RPP30: variants seen among roughly 807,000 people sequenced by gnomAD.
The protein encoded by RPP30 is ribonuclease P protein subunit p30.
RPP30 carries 36 observed loss-of-function variants against 38.6 expected under a neutral mutation model. The observed-to-expected ratio is 0.93, with a 90% confidence interval of 0.71 to 1.23. The LOEUF (loss-of-function observed/expected upper bound fraction) is 1.23. RPP30 is among the 50% of genes most tolerant of loss of function. The pLI, the probability that RPP30 is intolerant of heterozygous loss-of-function variation, is 0.00. For synonymous variants in RPP30, 126 were observed against 112.7 expected (o/e 1.12, Z -0.75); for missense variants, 321 against 321.7 (o/e 1.00, Z 0.02).
chr10:90,884,926 C>T (rs1846978977), intron 5 of RPP30, among the ~76,000 whole-genome samples: 1 of 152,136 alleles, frequency 6.6e-6, no homozygotes. Flanking sequence ...TAATGTAATA[C>T]ATAACAGCCA....
At chr10:90,889,099 G>A (rs1431074687) in intron 6 of RPP30, among the ~76,000 whole-genome samples, 1 of 152,150 alleles carries the variant, frequency 6.6e-6, no homozygotes, top group Non-Finnish European at 1.5e-5. Flanking sequence ...GTAAATAATA[G>A]TTGTGGCATA....
At chr10:90,895,794 A>G (rs1847132686) in intron 8 of RPP30, 86 bp from the exon 9 acceptor site, 1 of 925,802 alleles carries the variant, frequency 1.1e-6, no homozygotes, top group Non-Finnish European at 1.6e-6. Flanking sequence ...ATTTTTGGAT[A>G]CTTAAATTTT....
rs759472963 is a variant in RPP30 at position 90,874,929 on chromosome 10, A to G, written c.138+5A>G. 2.6e-6 allele frequency: 4 copies of G among 1,521,266 alleles called. No homozygotes were observed. In the South Asian group the frequency reaches 3.5e-5, roughly 13 times the overall value. 94.2% of individuals were successfully genotyped at this position (1,521,266 alleles called of 1,614,324 possible). A position where few individuals can be genotyped will look rare whatever the true frequency, so the allele number is the denominator to read the frequency against. Reference sequence around the variant, plus strand: ...GACTTTAAGGAAAAGAAACAGGTAAAATAATATTTCTAAAGTTAATAAGTT... The same window carrying G: ...GACTTTAAGGAAAAGAAACAGGTAAGATAATATTTCTAAAGTTAATAAGTT... On this transcript the variant is annotated splice_donor_5th_base_variant and intron_variant, in intron 2 of 10. Coordinates refer to ENST00000371703, the MANE Select transcript of RPP30 (RefSeq NM_006413.5).
At chr10:90,903,408 T>A (rs1034492144), downstream of RPP30, 4 of 595,806 alleles carry the variant, frequency 6.7e-6, no homozygotes, top group African/African-American at 7.5e-5. Context: ...CCAGATACAG[T>A]AAGATTTTCA....
At chr10:90,888,267 T>C (rs10881844) in intron 6 of RPP30, among the ~76,000 whole-genome samples, 73,960 of 152,096 alleles carry the variant, frequency 0.49, 21,593 homozygotes, top group African/African-American at 0.83. Context: ...CTGTGACCTT[T>C]GATGGGAGGA....
intron 5 of RPP30, among the ~76,000 whole-genome samples, chr10:90,884,902 G>T (rs908303007): frequency 6.6e-6 from 1 of 152,174 alleles, no homozygotes; most frequent in Non-Finnish European, 1.5e-5. Context: ...AGCATTGTCA[G>T]TAAGCTTTGT....
chr10:90,874,120 T>C (rs1450064837), intron 1 of RPP30, among the ~76,000 whole-genome samples: 2 of 152,026 alleles, frequency 1.3e-5, no homozygotes, highest in Non-Finnish European at 2.9e-5. Context: ...CTGTTGAGAG[T>C]TTGGCATTGA....
At chr10:90,873,007 G>A (rs1177183603) in intron 1 of RPP30, among the ~76,000 whole-genome samples, 1 of 152,154 alleles carries the variant, frequency 6.6e-6, no homozygotes, top group African/African-American at 2.4e-5. Flanking sequence ...CTTTGATCCT[G>A]TAAAATAAGT....
intron 2 of RPP30, 125 bp downstream of exon 2, chr10:90,875,049 T>C: frequency 1.9e-6 from 1 of 522,480 alleles, no homozygotes; most frequent in Non-Finnish European, 3.4e-6. Context: ...ACTACTACTT[T>C]TCTATTTTAT....
At chr10:90,889,974 A>T (rs890455965) in intron 6 of RPP30, among the ~76,000 whole-genome samples, 1 of 152,200 alleles carries the variant, frequency 6.6e-6, no homozygotes, top group East Asian at 1.9e-4. Flanking sequence ...ATGACTTCAG[A>T]TTATTTAGCA....
intron 6 of RPP30, among the ~76,000 whole-genome samples, chr10:90,892,219 T>C (rs527276148): frequency 7.9e-5 from 12 of 152,334 alleles, no homozygotes; most frequent in African/African-American, 2.6e-4. Flanking sequence ...AGGAAGAGGC[T>C]GTTAGGAACA....
intron 1 of RPP30, 102 bp from the exon 2 acceptor site, chr10:90,874,767 C>T: frequency 1.5e-6 from 1 of 669,628 alleles, no homozygotes; most frequent in Non-Finnish European, 2.5e-6. Context: ...AACCACTCCT[C>T]AAATGTCCTC....
Position 90,902,084 on chromosome 10 carries a change from A to G in RPP30, c.*1405A>G, listed in dbSNP as rs1330030317. The G allele has an allele frequency of 2.0e-6, 2 of 988,134 alleles. No individual in the cohort carries two copies. The highest frequency in any genetic ancestry group is 2.4e-6 in the Non-Finnish European group (2 of 830,780). The allele number at this position is 988,134 out of a possible 1,614,324, so 61.2% of individuals were successfully genotyped here. ...AGTGCTGGGATTACAGGCGTTAGCCACTGCGCCCGGCCCGAGAAAATACAG... is the reference window on the plus strand; with the variant it reads ...AGTGCTGGGATTACAGGCGTTAGCCGCTGCGCCCGGCCCGAGAAAATACAG... On this transcript the variant is annotated 3_prime_UTR_variant, in exon 11 of 11. Coordinates refer to ENST00000371703, the MANE Select transcript of RPP30 (RefSeq NM_006413.5).
chr10:90,873,631 T>C (rs1245955913), intron 1 of RPP30, among the ~76,000 whole-genome samples: 2 of 152,158 alleles, frequency 1.3e-5, no homozygotes, highest in Non-Finnish European at 2.9e-5. Context: ...CAGATCCTAG[T>C]TGACATTTCT....
intron 1 of RPP30, 60 bp downstream of exon 1, chr10:90,872,128 C>T: frequency 7.2e-7 from 1 of 1,392,672 alleles, no homozygotes; most frequent in Non-Finnish European, 1.0e-6. Flanking sequence ...TCGGGCCACA[C>T]TCCGGAGTAA....
At chr10:90,878,384 T>C (rs1011758066) in intron 4 of RPP30, among the ~76,000 whole-genome samples, 7 of 152,330 alleles carry the variant, frequency 4.6e-5, no homozygotes, top group African/African-American at 1.7e-4. Context: ...TACCACACTT[T>C]ATTCCATAAT....
intron 4 of RPP30, among the ~76,000 whole-genome samples, chr10:90,877,412 C>T (rs1157751015): frequency 6.6e-6 from 1 of 152,060 alleles, no homozygotes; most frequent in Non-Finnish European, 1.5e-5. Flanking sequence ...GGATGAGACT[C>T]CCTGGCCAAA....
At position 90,890,473 on chromosome 10, in the gene RPP30, C is replaced by G. The variant is rs933811011; in HGVS notation, c.433-4302C>G. ...TCCTTCCTTTAACCCTAATCCATTT[C>G]TGTCTTCGTGGTCCGATTACTCCCC... On this transcript the variant is annotated intron_variant, in intron 6 of 10. Coordinates refer to ENST00000371703, the MANE Select transcript of RPP30 (RefSeq NM_006413.5). 2.0e-5 allele frequency among the ~76,000 whole-genome samples: 3 copies of G among 152,240 alleles called. No homozygotes were observed. The South Asian group carries it at 6.2e-4, about 32-fold the overall frequency.
intron 5 of RPP30, among the ~76,000 whole-genome samples, chr10:90,880,961 T>C (rs1846921023): frequency 6.6e-6 from 1 of 152,184 alleles, no homozygotes; most frequent in Admixed American, 6.5e-5. Context: ...TAGTGTTTAA[T>C]ATAAGGAAGA....
Sources: gnomAD v4.1 joint callset for allele counts (sites outside exome capture counted in the v4.1 genomes callset) on GRCh38, gnomAD v4.1.1 for gene constraint, MANE v1.5 for transcripts, NCBI Gene and HGNC (gene_info 2026-07-23, HGNC 2026-07-21) for gene names.